CTNNA2: variants seen among roughly 807,000 people sequenced by gnomAD.
CTNNA2 encodes catenin alpha 2.
CTNNA2 carries 42 observed loss-of-function variants against 101.0 expected under a neutral mutation model. The observed-to-expected ratio is 0.42, with a 90% CI of 0.32 to 0.54. The LOEUF (loss-of-function observed/expected upper bound fraction) is 0.54. CTNNA2 is among the 20% of genes least tolerant of loss of function. CTNNA2 has a pLI of 0.14. For synonymous variants in CTNNA2, 450 were observed against 456.4 expected (o/e 0.99, Z 0.18); for missense variants, 871 against 1,223.1 (o/e 0.71, Z 4.29).
At chr2:79,671,014 C>T (rs1682799176) in intron 2 of CTNNA2, among the ~76,000 whole-genome samples, 1 of 152,088 alleles carries the variant, frequency 6.6e-6, no homozygotes, top group African/African-American at 2.4e-5. Context: ...ATCTTTCTTC[C>T]TCACACCTCT....
chr2:80,417,672 A>G (rs1460893785), intron 8 of CTNNA2, among the ~76,000 whole-genome samples: 1 of 151,514 alleles, frequency 6.6e-6, no homozygotes, highest in Non-Finnish European at 1.5e-5. Flanking sequence ...ATGTTCTTCC[A>G]TATTTTATAT....
intron 18 of CTNNA2, among the ~76,000 whole-genome samples, chr2:80,639,435 C>A (rs540366698): frequency 6.6e-6 from 1 of 151,954 alleles, no homozygotes; most frequent in South Asian, 2.1e-4. Context: ...GTCTCGATCT[C>A]CTGACCTCAA....
chr2:80,041,156 A>G (rs1696028850), intron 7 of CTNNA2, among the ~76,000 whole-genome samples: 1 of 152,158 alleles, frequency 6.6e-6, no homozygotes, highest in African/African-American at 2.4e-5. Context: ...TGAGAAAATC[A>G]TGAGTGATTT....
At position 80,387,925 on chromosome 2, in the gene CTNNA2, G is replaced by T. The variant is rs990737513; in HGVS notation, c.1057-5286G>T. ...AGCAATGTAGAGAGTAGTCCCGCCT[G>T]GCTTCGTTTTTTAATAACGATATTT... On this transcript the variant is annotated intron_variant, in intron 7 of 18. Transcript: ENST00000402739. Among the ~76,000 whole-genome samples, 38 of 152,164 alleles carry T rather than the reference G, an allele frequency of 2.5e-4. 1 individual carries two copies. The highest frequency in any genetic ancestry group is 3.2e-3 in the Middle Eastern group (1 of 316).
intron 3 of CTNNA2, among the ~76,000 whole-genome samples, chr2:79,347,477 G>C (rs576504547): frequency 1.4e-4 from 22 of 152,296 alleles, no homozygotes; most frequent in African/African-American, 5.1e-4. Flanking sequence ...CATAGTTATG[G>C]CATATGTGAA....
chr2:80,522,660 C>T (rs996650070), intron 9 of CTNNA2, among the ~76,000 whole-genome samples: 3 of 151,856 alleles, frequency 2.0e-5, no homozygotes, highest in African/African-American at 7.3e-5. Flanking sequence ...AGTACCATCC[C>T]CTTAGTGCTG....
rs548824921 is a variant in CTNNA2 at position 79,197,041 on chromosome 2, G to A, written c.-523-918G>A. Among the ~76,000 whole-genome samples, 28 of 152,250 alleles carry A rather than the reference G, an allele frequency of 1.8e-4. 1 individual carries two copies. The highest frequency in any genetic ancestry group is 5.2e-4 in the Admixed American group (8 of 15,300). The stretch of plus-strand genomic sequence containing the variant: ...GGATCTGTTTTTCTCATTCCCCTGT[G>A]ATACCAGCCCTTAGGAAAAACTTTT... On this transcript the variant is annotated intron_variant, in intron 1 of 21. Coordinates refer to the CTNNA2 transcript ENST00000466387.
At chr2:79,335,595 C>A (rs760797629) in intron 3 of CTNNA2, among the ~76,000 whole-genome samples, 3 of 152,110 alleles carry the variant, frequency 2.0e-5, no homozygotes, top group Non-Finnish European at 4.4e-5. Context: ...TAAAGAAGCA[C>A]CTGTAAGACA....
At chr2:80,097,739 A>G (rs1438892147) in intron 7 of CTNNA2, among the ~76,000 whole-genome samples, 1 of 151,808 alleles carries the variant, frequency 6.6e-6, no homozygotes, top group Non-Finnish European at 1.5e-5. Flanking sequence ...TTCTCTTCTC[A>G]CTTCATTTCA....
In CTNNA2 at chr2:80,264,205, A is replaced by C. The variant is rs140443959; in HGVS notation, c.1057-129006A>C. Among the ~76,000 whole-genome samples the C allele has an allele frequency of 3.6e-3, 555 of 152,246 alleles. 4 individuals carry two copies. The highest frequency in any genetic ancestry group is 0.013 in the African/African-American group (531 of 41,548). On this transcript the variant is annotated intron_variant, in intron 7 of 18. Transcript: ENST00000402739. ...TCCCTTGACAGATGCATGTTGCCAC[A>C]ACGATTTATTTTCTTCTGCTTGTAG...
At chr2:79,610,415 G>A (rs1678191838) in intron 1 of CTNNA2, among the ~76,000 whole-genome samples, 1 of 152,148 alleles carries the variant, frequency 6.6e-6, no homozygotes, top group South Asian at 2.1e-4. Context: ...AAGACTTGCA[G>A]ATGAATGTTT....
At chr2:80,520,682 A>G (rs904618068) in intron 9 of CTNNA2, among the ~76,000 whole-genome samples, 3 of 152,156 alleles carry the variant, frequency 2.0e-5, no homozygotes, top group Admixed American at 6.5e-5. Flanking sequence ...CTCATGACTT[A>G]ATTAGCCCCC....
intron 4 of CTNNA2, among the ~76,000 whole-genome samples, chr2:79,484,234 C>G (rs1319132091): frequency 6.6e-6 from 1 of 151,844 alleles, no homozygotes; most frequent in African/African-American, 2.4e-5. Context: ...GAGTAAGACC[C>G]TGTCACAATA....
intron 7 of CTNNA2, among the ~76,000 whole-genome samples, chr2:80,261,442 G>A (rs1299995038): frequency 6.6e-6 from 1 of 152,014 alleles, no homozygotes; most frequent in Non-Finnish European, 1.5e-5. Context: ...AGAGCAGTTT[G>A]CGTGCTCTCA....
chr2:79,867,600 C>A (rs1682237662), intron 4 of CTNNA2, among the ~76,000 whole-genome samples: 2 of 152,108 alleles, frequency 1.3e-5, no homozygotes, highest in South Asian at 4.2e-4. Flanking sequence ...CACGGAAAGA[C>A]CCCATTCTTG....
intron 7 of CTNNA2, among the ~76,000 whole-genome samples, chr2:80,135,702 G>A (rs1022574013): frequency 3.3e-5 from 5 of 152,166 alleles, no homozygotes; most frequent in African/African-American, 1.2e-4. Flanking sequence ...TGGGAAGACA[G>A]TCCTGTTCTT....
At chr2:79,982,184 A>C (rs1691323639) in intron 7 of CTNNA2, among the ~76,000 whole-genome samples, 1 of 119,148 alleles carries the variant, frequency 8.4e-6, no homozygotes. Flanking sequence ...GACCACAGGC[A>C]TGTGCCACTA....
chr2:79,859,767 T>A (rs911315121), intron 4 of CTNNA2, among the ~76,000 whole-genome samples: 1 of 152,142 alleles, frequency 6.6e-6, no homozygotes, highest in South Asian at 2.1e-4. Flanking sequence ...GGCAGTACAG[T>A]ACTATAATTA....
At chr2:79,870,662 G>T (rs896012282) in intron 5 of CTNNA2, among the ~76,000 whole-genome samples, 2 of 152,132 alleles carry the variant, frequency 1.3e-5, no homozygotes, top group Non-Finnish European at 2.9e-5. Flanking sequence ...AGTTCCACAT[G>T]GGTGGGGAGG....
Sources: gnomAD v4.1 joint callset for allele counts (sites outside exome capture counted in the v4.1 genomes callset) on GRCh38, gnomAD v4.1.1 for gene constraint, MANE v1.5 for transcripts, NCBI Gene and HGNC (gene_info 2026-07-23, HGNC 2026-07-21) for gene names.